Variants in PLCXD1 observed in about 807,000 individuals in gnomAD.
PLCXD1 encodes the protein PI-PLC X domain-containing protein 1.
In PLCXD1, 45 loss-of-function variants were observed where a neutral mutation model predicts 37.8. That is an observed-to-expected ratio of 1.19 (90% CI 0.94 to 1.53). The LOEUF (loss-of-function observed/expected upper bound fraction) is 1.53, where lower values mean the gene tolerates loss of function less well. Ranked by LOEUF, PLCXD1 falls within the 40% of genes most tolerant of loss-of-function variation. The pLI is 0.00. For missense variants in PLCXD1, 539 were observed against 454.7 expected (o/e 1.19, Z -1.69); for synonymous variants, 246 against 206.9 (o/e 1.19, Z -1.62).
rs988029165 is a variant in PLCXD1 at position 281,441 on chromosome X, G to A, written c.-265G>A. ...CTGGTGTTGGCTTAGGGTCTGGGAG[G>A]AAGGCTTTTGGGAAGATGTAAATAA... On this transcript the variant is annotated 5_prime_UTR_variant, in exon 1 of 7. Transcript: ENST00000381657. The A allele has an allele frequency of 6.5e-5, 10 of 153,306 alleles. No homozygotes were observed. The highest frequency in any genetic ancestry group is 2.4e-4 in the African/African-American group (10 of 41,386). The allele number at this position is 153,306 out of a possible 1,614,324, so 9.5% of individuals were successfully genotyped here.
upstream of PLCXD1, among the ~76,000 whole-genome samples, chrX:280,295 GGGGAGGCCGTGCAGGGGGAA>G (rs2069235858): frequency 1.5e-5 from 2 of 137,822 alleles, no homozygotes; most frequent in African/African-American, 2.7e-5. Context: ...TGCAGGAGGA[GGGGAGGCCGTGCAGGGGGAA>G]GGGAGGCCGT....
At chrX:287,005 AG>A (rs1219453909) in intron 2 of PLCXD1, among the ~76,000 whole-genome samples, 1 of 151,514 alleles carries the variant, frequency 6.6e-6, no homozygotes, top group East Asian at 1.9e-4. Flanking sequence ...GAGGATGTAA[AG>A]GGGCTTCACG....
chrX:291,463 G>A (rs1227295271), intron 4 of PLCXD1, 36 bp from the exon 5 acceptor site: 8 of 1,609,184 alleles, frequency 5.0e-6, no homozygotes, highest in Non-Finnish European at 1.7e-6. Context: ...TGGTGTTGGA[G>A]TCGTGCAGGA....
At chrX:293,596 CT>C (rs1324521161) in intron 6 of PLCXD1, among the ~76,000 whole-genome samples, 1 of 152,156 alleles carries the variant, frequency 6.6e-6, no homozygotes, top group Non-Finnish European at 1.5e-5. Flanking sequence ...CCTGTCTCTA[CT>C]TAAGAAGCAC....
At chrX:278,738 C>CAAAA (rs549455644), upstream of PLCXD1, among the ~76,000 whole-genome samples, 4,375 of 102,540 alleles carry the variant, frequency 0.043, 273 homozygotes, top group East Asian at 0.091. Context: ...GACTCCGTCT[C>CAAAA]AAAAAAAAAA....
chrX:283,958 T>C, intron 1 of PLCXD1: 1 of 528,714 alleles, frequency 1.9e-6, no homozygotes. Flanking sequence ...CTCCGCTCAC[T>C]GTAACCTCCA....
Position 290,638 on chromosome X carries a change from C to CT in PLCXD1, c.265-9dup. The CT allele has an allele frequency of 6.2e-7, 1 of 1,613,576 alleles. No individual in the cohort carries two copies. Among genetic ancestry groups the CT allele is most frequent in the Non-Finnish European group, 8.5e-7 (1 of 1,179,710 alleles). On this transcript the variant is annotated splice_polypyrimidine_tract_variant and intron_variant, in intron 3 of 6. Transcript: ENST00000381657. ...AGCCAGGCAGACATGACAGCAGCCTCTGTCCACAGGCACTGGACGTCACAG... is the reference window on the plus strand; with the variant it reads ...AGCCAGGCAGACATGACAGCAGCCTCTTGTCCACAGGCACTGGACGTCACAG...
chrX:293,283 G>T, intron 6 of PLCXD1, 65 bp downstream of exon 6: 1 of 1,239,192 alleles, frequency 8.1e-7, no homozygotes, highest in Non-Finnish European at 1.2e-6. Flanking sequence ...GCGGCAGGCC[G>T]GGTCCACATG....
At chrX:283,526 G>A (rs1283598086) in intron 1 of PLCXD1, 2 of 150,980 alleles carry the variant, frequency 1.3e-5, no homozygotes, top group Admixed American at 6.6e-5. Context: ...TGAGGGTAGT[G>A]GGGGCGGCCG....
chrX:290,520 CTGT>C, intron 3 of PLCXD1, 125 bp from the exon 4 acceptor site: 2 of 959,642 alleles, frequency 2.1e-6, no homozygotes, highest in South Asian at 1.6e-5. Context: ...ATACAAACAG[CTGT>C]TGTTACGACA....
rs1323047812 is a variant in PLCXD1, at chrX:297,634, C to T, written c.734-1463C>T. ...TCTGTCTCCCACATGGGGATTAGGA[C>T]GTGGACATCTTTGGGGACATTATTC... On this transcript the variant is annotated intron_variant, in intron 6 of 6. Transcript: ENST00000381657. Among the ~76,000 whole-genome samples, 4 of 48,156 alleles carry T rather than the reference C, an allele frequency of 8.3e-5. 2 individuals are homozygous for T. Among genetic ancestry groups the T allele is most frequent in the African/African-American group, 4.7e-4 (4 of 8,542 alleles). The allele number at this position is 48,156 out of a possible 152,430, so 31.6% of individuals were successfully genotyped here.
upstream of PLCXD1, among the ~76,000 whole-genome samples, chrX:278,805 G>A (rs1364525180): frequency 6.6e-6 from 1 of 151,780 alleles, no homozygotes; most frequent in Non-Finnish European, 1.5e-5. Context: ...GCCTCAGGAG[G>A]TCCTGACGAC....
chrX:291,707 G>A lies in PLCXD1; in HGVS notation c.549+53G>A, dbSNP rs776641363. The A allele has an allele frequency of 2.4e-4, 373 of 1,580,320 alleles. 1 individual carries two copies. The African/African-American group carries it at 4.7e-3, about 20-fold the overall frequency. On this transcript the variant is annotated intron_variant, in intron 5 of 6. Coordinates refer to ENST00000381657, the MANE Select transcript of PLCXD1 (RefSeq NM_018390.4). ...CTCTCCCGGGGCAGGGGCATCGTCA[G>A]CCTCAGACTCCATTTGCTGTGCCCT...
chrX:278,918 G>A (rs764859507), upstream of PLCXD1, among the ~76,000 whole-genome samples: 37 of 152,200 alleles, frequency 2.4e-4, no homozygotes, highest in South Asian at 1.0e-3. Context: ...TGTCAAGCGC[G>A]TCGGTGCGAA....
At chrX:277,186 C>G (rs182557207), upstream of PLCXD1, among the ~76,000 whole-genome samples, 19,763 of 132,928 alleles carry the variant, frequency 0.15, 1,527 homozygotes, top group East Asian at 0.28. Context: ...GTGGGGAAGG[C>G]GTCGGGGGAC....
intron 6 of PLCXD1, among the ~76,000 whole-genome samples, chrX:295,003 G>A (rs747313478): frequency 3.3e-4 from 50 of 151,590 alleles, no homozygotes; most frequent in African/African-American, 9.2e-4. Context: ...CCCATCTCTA[G>A]TAAAAATACA....
intron 3 of PLCXD1, among the ~76,000 whole-genome samples, chrX:289,875 C>G (rs1226232941): frequency 6.6e-6 from 1 of 152,104 alleles, no homozygotes; most frequent in Non-Finnish European, 1.5e-5. Flanking sequence ...TCTTTAGGAC[C>G]TGAGGCGGGT....
rs2124363657 is a variant in PLCXD1 at position 290,842 on chromosome X, CGGCCGGGCTG to C, written c.393+67_393+76del. ...AGGCGGCCGGGCACTGGTGCAGGTG[CGGCCGGGCTG>C]AGGTGGGAAGCAAGGGGGACAGCGG... is the stretch of plus-strand genomic sequence containing the variant. On this transcript the variant is annotated intron_variant, in intron 4 of 6. Coordinates refer to ENST00000381657, the MANE Select transcript of PLCXD1 (RefSeq NM_018390.4). The C allele has an allele frequency of 1.6e-5, 23 of 1,416,206 alleles. 1 individual carries two copies. Among genetic ancestry groups the C allele is most frequent in the South Asian group, 1.4e-4 (11 of 78,284 alleles). The allele number at this position is 1,416,206 out of a possible 1,614,324, so 87.7% of individuals were successfully genotyped here.
chrX:291,615 T>G lies in PLCXD1; in HGVS notation c.510T>G (p.Cys170Trp). The change falls in exon 5 of 7, where the codon TGT becomes TGG. Residue 170 changes from cysteine to tryptophan, a missense_variant. Physicochemically the swap from Cys to Trp is radical, Grantham distance 215. Transcript: ENST00000381657. ...SEDLHEYLVA[C>W]IKNIFGDMLC... ...ACCTGCACGAGTACCTGGTCGCCTG[T>G]ATCAAGAACATCTTCGGGGACATGC... 1.2e-6 allele frequency: 2 copies of G among 1,612,944 alleles called. No individual in the cohort carries two copies. The highest frequency in any genetic ancestry group is 1.7e-6 in the Non-Finnish European group (2 of 1,179,868).
Sources: allele counts gnomAD v4.1 joint callset (sites outside exome capture counted in the v4.1 genomes callset), GRCh38; gene constraint gnomAD v4.1.1; transcripts MANE v1.5; gene names NCBI Gene and HGNC (gene_info 2026-07-23, HGNC 2026-07-21).